CABIN1: variants seen among roughly 807,000 people sequenced by gnomAD.
The protein encoded by CABIN1 is calcineurin-binding protein cabin-1.
CABIN1 carries 133 observed loss-of-function variants against 227.7 expected under a neutral mutation model. The observed-to-expected ratio is 0.58, with a 90% CI of 0.51 to 0.67. The LOEUF (loss-of-function observed/expected upper bound fraction) is 0.67. CABIN1 is among the 30% of genes least tolerant of loss of function. The pLI is 0.00. For synonymous variants in CABIN1, 1,086 were observed against 1,155.1 expected, an observed-to-expected ratio of 0.94 and a Z score of 1.21; for missense variants, 2,408 against 2,852.5, an observed-to-expected ratio of 0.84 and a Z score of 3.55.
intron 29 of CABIN1, chr22:24,155,917 T>C: frequency 2.0e-6 from 1 of 497,782 alleles, no homozygotes; most frequent in Non-Finnish European, 3.5e-6. Context: ...CAAAAGTCAG[T>C]TGCGCTCCTG....
At chr22:24,090,023 G>A (rs562284075) in intron 23 of CABIN1, among the ~76,000 whole-genome samples, 2 of 152,330 alleles carry the variant, frequency 1.3e-5, no homozygotes, top group South Asian at 4.1e-4. Flanking sequence ...CTGCTCTGAG[G>A]ATGGCAAGGT....
chr22:24,116,024 A>G (rs1302997821), intron 27 of CABIN1, among the ~76,000 whole-genome samples: 2 of 152,196 alleles, frequency 1.3e-5, no homozygotes, highest in Non-Finnish European at 2.9e-5. Flanking sequence ...CGTGTCTAGC[A>G]GGCACAAGCT....
At chr22:24,050,705 T>G in intron 7 of CABIN1, 120 bp from the exon 8 acceptor site, 2 of 1,255,068 alleles carry the variant, frequency 1.6e-6, no homozygotes, top group Non-Finnish European at 2.3e-6. Flanking sequence ...GGTTATTTTA[T>G]TTATAGGAAG....
intron 24 of CABIN1, among the ~76,000 whole-genome samples, chr22:24,093,272 T>C (rs996427218): frequency 1.3e-5 from 2 of 152,194 alleles, no homozygotes; most frequent in African/African-American, 4.8e-5. Context: ...TCATTTTGGC[T>C]AGGTATGGTG....
chr22:24,072,906 A>T (rs559594034), intron 18 of CABIN1, among the ~76,000 whole-genome samples: 1 of 152,338 alleles, frequency 6.6e-6, no homozygotes, highest in South Asian at 2.1e-4. Context: ...CCACATCCCA[A>T]CTGTCACTTC....
intron 24 of CABIN1, among the ~76,000 whole-genome samples, chr22:24,094,914 G>A (rs1656567705): frequency 6.6e-6 from 1 of 151,698 alleles, no homozygotes; most frequent in Non-Finnish European, 1.5e-5. Context: ...CTGCTATTGT[G>A]CCTTCATTCA....
Position 24,083,248 on chromosome 22 carries a change from A to T in CABIN1, c.2769A>T (p.Glu923Asp). 1 of 1,612,572 alleles carries T rather than the reference A, an allele frequency of 6.2e-7. No homozygotes were observed. The highest frequency in any genetic ancestry group is 8.5e-7 in the Non-Finnish European group (1 of 1,180,026). The change falls in exon 20 of 37, where the codon GAA becomes GAT. Residue 923 changes from glutamate (E) to aspartate (D), a missense_variant. Glu to Asp is a conservative substitution (Grantham distance 45). Coordinates refer to ENST00000263119, the MANE Select transcript of CABIN1 (RefSeq NM_012295.4). ...LRFYVRVLQK[E>D]LAASTSEDTH... ...CACAGGTGCGAGTACTCCAGAAGGAACTGGCTGCATCCACCTCTGAAGACA... is the reference window on the plus strand; with the variant it reads ...CACAGGTGCGAGTACTCCAGAAGGATCTGGCTGCATCCACCTCTGAAGACA...
chr22:24,087,065 G>C (rs1370294279), intron 22 of CABIN1, among the ~76,000 whole-genome samples: 1 of 152,196 alleles, frequency 6.6e-6, no homozygotes, highest in African/African-American at 2.4e-5. Flanking sequence ...TTGCCTTGTA[G>C]AGCACTCCTT....
chr22:24,023,071 C>T (rs553739155), intron 1 of CABIN1, among the ~76,000 whole-genome samples: 1 of 152,304 alleles, frequency 6.6e-6, no homozygotes, highest in African/African-American at 2.4e-5. Context: ...GTTTATTAGG[C>T]AGTAACTCTT....
chr22:24,052,576 A>T (rs970934197), intron 8 of CABIN1, among the ~76,000 whole-genome samples: 2 of 151,462 alleles, frequency 1.3e-5, no homozygotes, highest in Admixed American at 1.3e-4. Context: ...GGATCACTTG[A>T]GTCAAGAGTT....
Position 24,060,079 on chromosome 22 carries a change from A to G in CABIN1, c.1555A>G (p.Arg519Gly). The G allele has an allele frequency of 1.2e-6, 2 of 1,614,030 alleles. No homozygotes were observed. The highest frequency in any genetic ancestry group is 1.7e-4 in the Middle Eastern group (1 of 6,054). Residue 519 changes from arginine (R) to glycine (G), a missense_variant, in exon 12 of 37, where the codon AGG becomes GGG. Physicochemically the swap from Arg to Gly is moderately radical, Grantham distance 125 (BLOSUM62 -2). Transcript: ENST00000263119. The part of the protein sequence containing the change: ...EVVLSVYHSW[R>G]RHSTSLPNPL... ...CGTGCTCAGCGTCTACCACAGCTGG[A>G]GGAGGCACAGCACCAGCCTGCCCAA...
intron 29 of CABIN1, among the ~76,000 whole-genome samples, chr22:24,160,907 G>C (rs1340431595): frequency 6.6e-6 from 1 of 152,188 alleles, no homozygotes. Flanking sequence ...CACTTAACCA[G>C]CTCTCAGTTC....
At chr22:24,091,309 A>C (rs956083880) in intron 23 of CABIN1, among the ~76,000 whole-genome samples, 6 of 152,146 alleles carry the variant, frequency 3.9e-5, no homozygotes, top group Non-Finnish European at 7.4e-5. Context: ...TAGATGCTGC[A>C]GGGGGAAAGC....
At chr22:24,047,566 A>G (rs1402553317) in intron 6 of CABIN1, among the ~76,000 whole-genome samples, 1 of 152,182 alleles carries the variant, frequency 6.6e-6, no homozygotes, top group African/African-American at 2.4e-5. Context: ...AGCAGCGTGG[A>G]CTGTGCTGGG....
rs988436717 is a variant in CABIN1, at chr22:24,035,461, G to T, written c.-57G>T. On this transcript the variant is annotated 5_prime_UTR_variant, in exon 2 of 37. Transcript: ENST00000263119. ...CTTTCTAGGAGAGTTGTGGACTGGG[G>T]CAACCTTTGCCAGTGATGAGAAGTG... The T allele has an allele frequency of 4.2e-5, 67 of 1,612,970 alleles. No homozygotes were observed. The highest frequency in any genetic ancestry group is 1.1e-5 in the Non-Finnish European group (13 of 1,179,088).
intron 19 of CABIN1, among the ~76,000 whole-genome samples, chr22:24,080,777 A>T (rs1024625246): frequency 2.6e-5 from 4 of 151,836 alleles, no homozygotes; most frequent in Non-Finnish European, 5.9e-5. Flanking sequence ...TTTTTGAATA[A>T]TTTTTTCTTA....
intron 19 of CABIN1, among the ~76,000 whole-genome samples, chr22:24,080,556 A>G (rs1294383685): frequency 1.3e-5 from 2 of 152,172 alleles, no homozygotes; most frequent in African/African-American, 4.8e-5. Context: ...TTTAGGTCTT[A>G]TGCTTTCATG....
At chr22:24,145,698 C>T (rs2045070339) in intron 29 of CABIN1, among the ~76,000 whole-genome samples, 1 of 152,152 alleles carries the variant, frequency 6.6e-6, no homozygotes, top group Admixed American at 6.5e-5. Flanking sequence ...ATGGACAGGG[C>T]GCTAGGATGC....
At chr22:24,176,412 G>T in intron 35 of CABIN1, 137 bp downstream of exon 35, 1 of 1,020,642 alleles carries the variant, frequency 9.8e-7, no homozygotes, top group Non-Finnish European at 1.5e-6. Context: ...GGAGGAAATG[G>T]GGGTAGTGCA....
Sources: gnomAD v4.1 joint callset for allele counts (sites outside exome capture counted in the v4.1 genomes callset) on GRCh38, gnomAD v4.1.1 for gene constraint, MANE v1.5 for transcripts, NCBI Gene and HGNC (gene_info 2026-07-23, HGNC 2026-07-21) for gene names.